Variants in SYT13 observed in about 807,000 individuals in gnomAD.
SYT13 encodes the protein synaptotagmin-13.
Under a neutral mutation model 38.6 loss-of-function variants are expected in SYT13, and 21 were observed. That is an observed-to-expected ratio of 0.54 (90% CI 0.39 to 0.78). SYT13 has a LOEUF of 0.78. SYT13 is among the 30% of genes least tolerant of loss of function. The pLI is 0.00. For synonymous variants in SYT13, 241 were observed against 237.6 expected (o/e 1.01, Z -0.13); for missense variants, 495 against 548.7 (o/e 0.90, Z 0.98).
intron 1 of SYT13, among the ~76,000 whole-genome samples, chr11:45,265,510 AT>A (rs964486007): frequency 6.6e-6 from 1 of 152,204 alleles, no homozygotes; most frequent in Admixed American, 6.5e-5. Flanking sequence ...ACAAATGTTC[AT>A]TTCTCACAGT....
intron 1 of SYT13, among the ~76,000 whole-genome samples, chr11:45,257,281 A>G (rs1192748727): frequency 6.6e-6 from 1 of 152,120 alleles, no homozygotes; most frequent in Non-Finnish European, 1.5e-5. Flanking sequence ...ACAGGTAGCA[A>G]TAGGAGCCTT....
At position 45,244,194 on chromosome 11, in the gene SYT13, C is replaced by G; in HGVS notation, c.1139G>C (p.Gly380Ala). The change falls in exon 6 of 6, where the codon GGC becomes GCC. Residue 380 changes from glycine (G) to alanine (A), a missense_variant. Coordinates refer to ENST00000020926, the MANE Select transcript of SYT13 (RefSeq NM_020826.3). Reference sequence around the variant, plus strand: ...ACAGCTCTGCCCTGAATCGTCCTGGCCCAGCACTTCCAGCTCCACACTGGA... The same window carrying G: ...ACAGCTCTGCCCTGAATCGTCCTGGGCCAGCACTTCCAGCTCCACACTGGA... ...QASSVELEVL[G>A]QDDSGQSCAL... The G allele has an allele frequency of 6.2e-7, 1 of 1,613,998 alleles. No individual in the cohort carries two copies.
intron 1 of SYT13, among the ~76,000 whole-genome samples, chr11:45,272,162 A>G (rs1041496128): frequency 6.6e-6 from 1 of 151,918 alleles, no homozygotes; most frequent in Admixed American, 6.6e-5. Context: ...ACATGGACAC[A>G]GGGAGGGGAA....
At chr11:45,255,253 AG>A in intron 2 of SYT13, among the ~76,000 whole-genome samples, 1 of 152,206 alleles carries the variant, frequency 6.6e-6, no homozygotes, top group East Asian at 1.9e-4. Context: ...CTCCCCTACC[AG>A]ACAGATAATA....
intron 1 of SYT13, among the ~76,000 whole-genome samples, chr11:45,260,582 T>C (rs982634628): frequency 6.6e-6 from 1 of 152,122 alleles, no homozygotes; most frequent in Non-Finnish European, 1.5e-5. Context: ...GAATCAGATA[T>C]TCTCTGTCTA....
chr11:45,258,234 T>A (rs1854772362), intron 1 of SYT13: 1 of 152,168 alleles, frequency 6.6e-6, no homozygotes, highest in Admixed American at 6.5e-5. Flanking sequence ...GCAGTCCCCA[T>A]CAAAAACATT....
chr11:45,250,019 A>C (rs1011271320), intron 4 of SYT13, among the ~76,000 whole-genome samples: 1 of 152,098 alleles, frequency 6.6e-6, no homozygotes, highest in Non-Finnish European at 1.5e-5. Context: ...CTGTTAACCC[A>C]TCTGGCCTAG....
chr11:45,261,438 AC>A (rs1391670174), intron 1 of SYT13, among the ~76,000 whole-genome samples: 18 of 152,084 alleles, frequency 1.2e-4, no homozygotes, highest in African/African-American at 4.3e-4. Flanking sequence ...AAAAACACAC[AC>A]ACACAAAAAT....
At chr11:45,244,733 G>T (rs963084991) in intron 5 of SYT13, among the ~76,000 whole-genome samples, 8 of 152,190 alleles carry the variant, frequency 5.3e-5, no homozygotes, top group African/African-American at 1.9e-4. Flanking sequence ...GGCAGGCACT[G>T]GTCTAGAAGT....
intron 1 of SYT13, 27 bp from the exon 2 acceptor site, chr11:45,255,918 T>G: frequency 6.2e-7 from 1 of 1,610,094 alleles, no homozygotes; most frequent in Non-Finnish European, 8.5e-7. Context: ...CTCTGATTAG[T>G]CCACAAAGGA....
intron 2 of SYT13, among the ~76,000 whole-genome samples, chr11:45,255,303 T>C (rs554322219): frequency 2.6e-5 from 4 of 152,296 alleles, no homozygotes; most frequent in South Asian, 2.1e-4. Context: ...CCGAGGTTCA[T>C]GGAGTTACAG....
chr11:45,274,144 T>C (rs1286251693), intron 1 of SYT13, among the ~76,000 whole-genome samples: 2 of 152,228 alleles, frequency 1.3e-5, no homozygotes, highest in Admixed American at 1.3e-4. Context: ...ATTATAAAAG[T>C]GAACATTTTC....
At chr11:45,262,721 T>TCACACACA (rs71451610) in intron 1 of SYT13, among the ~76,000 whole-genome samples, 156 of 78,258 alleles carry the variant, frequency 2.0e-3, no homozygotes, top group Non-Finnish European at 3.5e-3. Flanking sequence ...GGAGATCCTA[T>TCACACACA]CACACACACA....
At position 45,252,436 on chromosome 11, in the gene SYT13, C is replaced by T; in HGVS notation, c.831G>A (p.Leu277=). The change falls in exon 4 of 6, where the codon CTG becomes CTA. Residue 277 remains leucine (L), a synonymous_variant. Transcript: ENST00000020926. The surrounding 1 kb of genome is among the most constrained non-coding windows in gnomAD (Gnocchi z 4.3). ...GTTACCCTACCTTCGCTGAAGTCTTCAGCTCGCCCCACTGGGCAGCCCCTA... is the reference window on the plus strand; with the variant it reads ...GTTACCCTACCTTCGCTGAAGTCTTTAGCTCGCCCCACTGGGCAGCCCCTA... ...VPLGAAQWGE[L]KTSAKEPSAG... 6.3e-7 allele frequency: 1 copy of T among 1,590,498 alleles called. No individual in the cohort carries two copies. The highest frequency in any genetic ancestry group is 8.6e-7 in the Non-Finnish European group (1 of 1,165,410).
intron 1 of SYT13, among the ~76,000 whole-genome samples, chr11:45,283,673 T>C (rs1855100092): frequency 6.6e-6 from 1 of 152,184 alleles, no homozygotes; most frequent in African/African-American, 2.4e-5. Context: ...GGGAACCAGG[T>C]AAGGGAATGT....
At chr11:45,262,762 CACACACAAAT>C (rs1854834201) in intron 1 of SYT13, among the ~76,000 whole-genome samples, 1 of 136,322 alleles carries the variant, frequency 7.3e-6, no homozygotes, top group African/African-American at 3.1e-5. Context: ...CACACACACA[CACACACAAAT>C]TGAACTGTAC....
At chr11:45,256,689 A>G (rs144058393) in intron 1 of SYT13, among the ~76,000 whole-genome samples, 35 of 152,302 alleles carry the variant, frequency 2.3e-4, no homozygotes, top group African/African-American at 7.2e-4. Context: ...TGTGAGATCT[A>G]TGAGCACAGG....
intron 4 of SYT13, among the ~76,000 whole-genome samples, chr11:45,251,013 G>T (rs1344395040): frequency 6.6e-6 from 1 of 152,094 alleles, no homozygotes; most frequent in East Asian, 1.9e-4. Flanking sequence ...GATAGTCATG[G>T]TGTCTCTCTC....
In SYT13 at chr11:45,243,949, C is replaced by A; in HGVS notation, c.*103G>T. 1 of 1,259,938 alleles carries A rather than the reference C, an allele frequency of 7.9e-7. No individual in the cohort carries two copies. The highest frequency in any genetic ancestry group is 1.1e-6 in the Non-Finnish European group (1 of 912,968). The allele number at this position is 1,259,938 out of a possible 1,614,324, so 78.0% of individuals were successfully genotyped here. The stretch of plus-strand genomic sequence containing the variant: ...AGCCATCCCAGCCTTGCAAACACAT[C>A]TGTCACTGTCTTCTGGGTGTCAGAA... On this transcript the variant is annotated 3_prime_UTR_variant, in exon 6 of 6. Transcript: ENST00000020926.
Sources: allele counts gnomAD v4.1 joint callset (sites outside exome capture counted in the v4.1 genomes callset), GRCh38; gene constraint gnomAD v4.1.1; non-coding constraint Gnocchi (gnomAD v3.1); transcripts MANE v1.5; gene names NCBI Gene and HGNC (gene_info 2026-07-23, HGNC 2026-07-21).